Variants in MYOF observed in about 807,000 individuals in gnomAD.
MYOF encodes the protein fer-1-like 3, myoferlin.
Under a neutral mutation model 284.2 loss-of-function variants are expected in MYOF, and 244 were observed. That is an observed-to-expected ratio of 0.86 (90% confidence interval 0.77 to 0.95). MYOF has a LOEUF of 0.95. Among genes scored for constraint, MYOF ranks in the 40% least tolerant of loss-of-function variants. The pLI, the probability that MYOF is intolerant of heterozygous loss-of-function variation, is 0.00. For synonymous variants in MYOF, 904 were observed against 919.7 expected, an observed-to-expected ratio of 0.98 and a Z score of 0.31; for missense variants, 2,496 against 2,560.6, an observed-to-expected ratio of 0.97 and a Z score of 0.54.
chr10:93,333,900 A>G lies in MYOF; in HGVS notation c.4577T>C (p.Ile1526Thr). 1 of 1,614,000 alleles carries G rather than the reference A, an allele frequency of 6.2e-7. No individual in the cohort carries two copies. The highest frequency in any genetic ancestry group is 1.1e-5 in the South Asian group (1 of 91,034). ...VVGEFKGSFR[I>T]YPLPDDPSVP... ...GCTGGGGTCATCCGGCAGAGGGTAGATCCGAAAGGAGCCCTAAAAGAGAGA... is the reference window on the plus strand; with the variant it reads ...GCTGGGGTCATCCGGCAGAGGGTAGGTCCGAAAGGAGCCCTAAAAGAGAGA... The change falls in exon 42 of 54, where the codon ATC (isoleucine) becomes ACC (threonine). Residue 1526 changes from isoleucine to threonine, a missense_variant. By Grantham distance (89) the Ile-to-Thr change is moderately conservative. Coordinates refer to ENST00000359263, the MANE Select transcript of MYOF (RefSeq NM_013451.4).
At chr10:93,395,924 A>C (rs1351163269) in intron 16 of MYOF, among the ~76,000 whole-genome samples, 1 of 149,972 alleles carries the variant, frequency 6.7e-6, no homozygotes, top group East Asian at 1.9e-4. Context: ...CAATATATGC[A>C]TACTAGATTA....
At chr10:93,350,225 C>G (rs1224981714) in intron 35 of MYOF, among the ~76,000 whole-genome samples, 2 of 152,142 alleles carry the variant, frequency 1.3e-5, no homozygotes, top group Admixed American at 1.3e-4. Context: ...TCAATGCTGA[C>G]AAGGTAACTC....
chr10:93,426,110 G>T lies in MYOF; in HGVS notation c.394C>A (p.Pro132Thr). 1 of 1,561,650 alleles carries T rather than the reference G, an allele frequency of 6.4e-7. No homozygotes were observed. The highest frequency in any genetic ancestry group is 8.7e-7 in the Non-Finnish European group (1 of 1,151,934). Residue 132 changes from proline to threonine, a missense_variant, in exon 5 of 54, where the codon CCA becomes ACA. Coordinates refer to ENST00000359263, the MANE Select transcript of MYOF (RefSeq NM_013451.4). ...ACGCTGGGCCCGCTCAGGTCATTTG[G>T]ATGTGGAGCAGAAGGCGGATCATAG... ...IGYDPPSAPH[P>T]NDLSGPSVPG...
In MYOF at chr10:93,327,181, G is replaced by C. The variant is rs187544441; in HGVS notation, c.5132-1216C>G. Among the ~76,000 whole-genome samples the C allele has an allele frequency of 1.6e-3, 246 of 152,158 alleles. 5 individuals carry two copies. Among genetic ancestry groups the C allele is most frequent in the African/African-American group, 5.7e-3 (235 of 41,410 alleles). On this transcript the variant is annotated intron_variant, in intron 45 of 53. Coordinates refer to ENST00000359263, the MANE Select transcript of MYOF (RefSeq NM_013451.4). ...GTCTGCAGTCTCCCCTGCTGGAAAG[G>C]CCTGTGTAGGTGCTCTGGTCATCAG...
intron 5 of MYOF, among the ~76,000 whole-genome samples, chr10:93,423,701 C>T (rs1362414803): frequency 5.3e-5 from 8 of 151,620 alleles, no homozygotes; most frequent in East Asian, 3.9e-4. Context: ...GACGTGGTGG[C>T]GGGCGCCTAT....
chr10:93,390,652 G>T (rs1371801876), intron 17 of MYOF, among the ~76,000 whole-genome samples: 3 of 152,168 alleles, frequency 2.0e-5, no homozygotes, highest in African/African-American at 7.2e-5. Context: ...TTGCAAAGAC[G>T]ATTAATTGAT....
intron 36 of MYOF, 115 bp downstream of exon 36, chr10:93,349,693 G>A: frequency 8.0e-7 from 1 of 1,244,354 alleles, no homozygotes; most frequent in South Asian, 1.8e-5. Context: ...TATAAGGCAG[G>A]GTTTTTCTAT....
At chr10:93,308,760 G>A (rs1842248956) in intron 53 of MYOF, among the ~76,000 whole-genome samples, 1 of 151,890 alleles carries the variant, frequency 6.6e-6, no homozygotes, top group South Asian at 2.1e-4. Flanking sequence ...CATCCAGGTT[G>A]GAGTGCAGTG....
At chr10:93,344,805 C>T (rs1454583418) in intron 37 of MYOF, among the ~76,000 whole-genome samples, 1 of 150,878 alleles carries the variant, frequency 6.6e-6, no homozygotes, top group African/African-American at 2.4e-5. Flanking sequence ...ATATTTCAGG[C>T]CTGAGGTTGC....
At chr10:93,467,524 T>G (rs2057038736) in intron 1 of MYOF, among the ~76,000 whole-genome samples, 1 of 152,106 alleles carries the variant, frequency 6.6e-6, no homozygotes. Context: ...ACACTGTTGG[T>G]GGGACTGTAA....
intron 41 of MYOF, among the ~76,000 whole-genome samples, chr10:93,334,769 C>T (rs1400179233): frequency 2.0e-5 from 3 of 152,150 alleles, no homozygotes; most frequent in Non-Finnish European, 4.4e-5. Context: ...GTGCCAGGTA[C>T]TAGGGACCCA....
chr10:93,443,347 C>T (rs1473283553), intron 3 of MYOF, among the ~76,000 whole-genome samples: 1 of 152,156 alleles, frequency 6.6e-6, no homozygotes, highest in Non-Finnish European at 1.5e-5. Context: ...AGTCCTGCCT[C>T]AAGCAGTTTC....
chr10:93,351,559 A>G lies in MYOF; in HGVS notation c.3676T>C (p.Phe1226Leu). The G allele has an allele frequency of 1.9e-6, 3 of 1,614,172 alleles. No individual in the cohort carries two copies. The highest frequency in any genetic ancestry group is 2.5e-6 in the Non-Finnish European group (3 of 1,180,028). Residue 1226 changes from phenylalanine to leucine, a missense_variant, in exon 34 of 54, where the codon TTT becomes CTT. This residue lies in a region of MYOF where 2,436 missense variants were observed against 2,480.7 expected (regional missense o/e 0.98). Coordinates refer to ENST00000359263, the MANE Select transcript of MYOF (RefSeq NM_013451.4). ...GGAGAGAAAATGCTTCGTCCTAAAA[A>G]TTCATCTTTGCCCTAGAGAAACAAA... Reference protein sequence around the residue: ...FDNDQVGKDEFLGRSIFSPVV... With the variant: ...FDNDQVGKDELLGRSIFSPVV...
intron 2 of MYOF, among the ~76,000 whole-genome samples, chr10:93,455,727 G>C (rs781289809): frequency 6.6e-6 from 1 of 152,194 alleles, no homozygotes; most frequent in Non-Finnish European, 1.5e-5. Flanking sequence ...ATTGAAACTA[G>C]TTGGGAGAGA....
At chr10:93,351,159 C>T (rs368613009) in intron 35 of MYOF, 38 bp downstream of exon 35, 74 of 1,584,526 alleles carry the variant, frequency 4.7e-5, no homozygotes, top group Admixed American at 4.2e-4. Flanking sequence ...CAGTCACATC[C>T]GTTTGATTTG....
chr10:93,406,432 G>A (rs764460231), intron 7 of MYOF, among the ~76,000 whole-genome samples: 2 of 150,284 alleles, frequency 1.3e-5, no homozygotes, highest in Non-Finnish European at 3.0e-5. Flanking sequence ...CATTAAAATG[G>A]GAAAATTCTG....
intron 5 of MYOF, among the ~76,000 whole-genome samples, chr10:93,420,082 G>A (rs1005320207): frequency 6.6e-6 from 1 of 152,166 alleles, no homozygotes; most frequent in Admixed American, 6.6e-5. Context: ...TCAGTGAGCT[G>A]AGATCACTGG....
chr10:93,331,097 AT>A (rs201223987), intron 43 of MYOF, among the ~76,000 whole-genome samples: 3 of 151,830 alleles, frequency 2.0e-5, no homozygotes, highest in East Asian at 3.9e-4. Context: ...ACTAAGGAAT[AT>A]TTTTTTTTCT....
At chr10:93,452,183 T>C (rs776264035) in intron 2 of MYOF, 42 bp from the exon 3 acceptor site, 5 of 1,363,500 alleles carry the variant, frequency 3.7e-6, no homozygotes, top group Non-Finnish European at 4.1e-6. Context: ...AAAAAAAGGC[T>C]GTTAGAAGGA....
Sources: allele counts gnomAD v4.1 joint callset (sites outside exome capture counted in the v4.1 genomes callset), GRCh38; gene constraint gnomAD v4.1.1; regional missense constraint gnomAD v4.1.1; transcripts MANE v1.5; gene names NCBI Gene and HGNC (gene_info 2026-07-23, HGNC 2026-07-21).